The following TMEM135 variants were observed in gnomAD, a reference collection of about 807,000 sequenced individuals.
TMEM135 encodes transmembrane protein 135.
Under a neutral mutation model 60.3 loss-of-function variants are expected in TMEM135, and 30 were observed. That is an observed-to-expected ratio of 0.50 (90% CI 0.37 to 0.68). The LOEUF is 0.68. Among genes scored for constraint, TMEM135 ranks in the 30% least tolerant of loss-of-function variants. The pLI, the probability that TMEM135 is intolerant of heterozygous loss-of-function variation, is 0.00. For missense variants in TMEM135, 468 were observed against 548.8 expected (o/e 0.85, Z 1.47); for synonymous variants, 190 against 186.7 (o/e 1.02, Z -0.14).
intron 4 of TMEM135, among the ~76,000 whole-genome samples, chr11:87,140,820 G>T (rs375101576): frequency 4.6e-5 from 7 of 152,076 alleles, no homozygotes; most frequent in Non-Finnish European, 8.8e-5. Context: ...AGTGAGTTAC[G>T]GGTTGAGGTT....
intron 6 of TMEM135, among the ~76,000 whole-genome samples, chr11:87,240,267 C>G (rs645709): frequency 6.6e-6 from 1 of 151,420 alleles, no homozygotes; most frequent in African/African-American, 2.4e-5. Context: ...TCTTAGTGGG[C>G]ATTCTTCATA....
At chr11:87,185,281 A>G (rs1486290606) in intron 5 of TMEM135, among the ~76,000 whole-genome samples, 2 of 152,168 alleles carry the variant, frequency 1.3e-5, no homozygotes, top group African/African-American at 4.8e-5. Context: ...ATCAGAATCC[A>G]GATAAGATCT....
chr11:87,311,126 T>C (rs1299551827), intron 10 of TMEM135, among the ~76,000 whole-genome samples: 1 of 151,210 alleles, frequency 6.6e-6, no homozygotes, highest in Non-Finnish European at 1.5e-5. Flanking sequence ...TATATATACG[T>C]ACACATATAC....
At chr11:87,210,707 T>G (rs1007402831) in intron 5 of TMEM135, among the ~76,000 whole-genome samples, 3 of 152,042 alleles carry the variant, frequency 2.0e-5, no homozygotes, top group Admixed American at 6.6e-5. Context: ...AAAGGAAAAC[T>G]TAAGGCCAAT....
rs578126855 is a variant in TMEM135, at chr11:87,073,043, AT to A, written c.362+1431del. Among the ~76,000 whole-genome samples the A allele has an allele frequency of 3.8e-3, 577 of 151,976 alleles. 2 individuals carry two copies. The highest frequency in any genetic ancestry group is 0.01 in the Middle Eastern group (3 of 294). On this transcript the variant is annotated intron_variant, in intron 3 of 14. Coordinates refer to ENST00000305494, the MANE Select transcript of TMEM135 (RefSeq NM_022918.4). ...GGAAGCCACTCTTACTTATTTATTTATTTATTTTTTTGAGGTGGAGTCTCAC... is the reference window on the plus strand; with the variant it reads ...GGAAGCCACTCTTACTTATTTATTTATTATTTTTTTGAGGTGGAGTCTCAC...
chr11:87,177,510 A>AT (rs1939407001), intron 5 of TMEM135, among the ~76,000 whole-genome samples: 1 of 152,192 alleles, frequency 6.6e-6, no homozygotes, highest in South Asian at 2.1e-4. Context: ...CATAAGTTAT[A>AT]CTCACTGAAA....
intron 1 of TMEM135, among the ~76,000 whole-genome samples, chr11:87,058,120 A>G (rs888297932): frequency 1.3e-5 from 2 of 152,190 alleles, no homozygotes; most frequent in Non-Finnish European, 2.9e-5. Flanking sequence ...AACTGAGAGG[A>G]TGAAGCCTAC....
chr11:87,324,854 TC>T lies in TMEM135; in HGVS notation c.*3523del, dbSNP rs1335169790. On this transcript the variant is annotated 3_prime_UTR_variant, in exon 15 of 15. Coordinates refer to ENST00000305494, the MANE Select transcript of TMEM135 (RefSeq NM_022918.4). ...TATAAACATTCTCTCTCCTAACACC[TC>T]CTTCTAGTAATCATTTTCACATAGT... The T allele has an allele frequency of 2.2e-6, 1 of 453,848 alleles. No individual in the cohort carries two copies. Among genetic ancestry groups the T allele is most frequent in the Non-Finnish European group, 4.4e-6 (1 of 226,722 alleles). 28.1% of individuals were successfully genotyped at this position (453,848 alleles called of 1,614,324 possible).
intron 7 of TMEM135, among the ~76,000 whole-genome samples, chr11:87,299,699 G>A (rs780123345): frequency 5.9e-5 from 9 of 152,206 alleles, no homozygotes; most frequent in Non-Finnish European, 1.2e-4. Context: ...GTCTAGTGGG[G>A]AAGACAGCAT....
chr11:87,178,170 T>C (rs1939425899), intron 5 of TMEM135, among the ~76,000 whole-genome samples: 3 of 152,092 alleles, frequency 2.0e-5, no homozygotes, highest in African/African-American at 4.8e-5. Flanking sequence ...GGCCTAGAGT[T>C]CCAACCCTCT....
rs147892243 is a variant in TMEM135 at position 87,252,788 on chromosome 11, TAA to T, written c.509+16107_509+16108del. On this transcript the variant is annotated intron_variant, in intron 6 of 14. Transcript: ENST00000305494. The stretch of plus-strand genomic sequence containing the variant: ...CTAAATCTCAAAAAAAAAAAAAAAT[TAA>T]AATATATATGTGTGTGTGTGTGTGT... Among the ~76,000 whole-genome samples the T allele has an allele frequency of 4.3e-4, 49 of 114,982 alleles. No homozygotes were observed. In the East Asian group the frequency reaches 9.0e-3, roughly 21 times the overall value. 75.4% of individuals were successfully genotyped at this position (114,982 alleles called of 152,430 possible).
At chr11:87,068,934 C>G (rs534898597) in intron 2 of TMEM135, among the ~76,000 whole-genome samples, 2 of 151,772 alleles carry the variant, frequency 1.3e-5, no homozygotes, top group South Asian at 4.2e-4. Flanking sequence ...GGCTTTTATA[C>G]TATTGAACAA....
intron 1 of TMEM135, among the ~76,000 whole-genome samples, chr11:87,055,239 A>G (rs139557681): frequency 3.1e-4 from 47 of 152,340 alleles, no homozygotes; most frequent in African/African-American, 1.1e-3. Flanking sequence ...TTATGGCACA[A>G]AAAACAAATT....
chr11:87,141,449 T>A (rs1591050856), intron 4 of TMEM135, among the ~76,000 whole-genome samples: 1 of 152,194 alleles, frequency 6.6e-6, no homozygotes, highest in African/African-American at 2.4e-5. Flanking sequence ...ATGAGTTTGC[T>A]AAACTTATGA....
chr11:87,088,510 A>G (rs1438376967), intron 3 of TMEM135, among the ~76,000 whole-genome samples: 5 of 152,240 alleles, frequency 3.3e-5, no homozygotes, highest in Non-Finnish European at 7.3e-5. Context: ...AAAACTGTAG[A>G]TAGCTCAAGA....
intron 5 of TMEM135, among the ~76,000 whole-genome samples, chr11:87,207,111 A>G (rs1353666838): frequency 6.6e-6 from 1 of 152,188 alleles, no homozygotes; most frequent in Non-Finnish European, 1.5e-5. Flanking sequence ...TTAGTACAGA[A>G]CAGAATGCTA....
intron 6 of TMEM135, among the ~76,000 whole-genome samples, chr11:87,255,407 A>G (rs372563338): frequency 2.0e-5 from 3 of 152,178 alleles, no homozygotes; most frequent in Non-Finnish European, 4.4e-5. Context: ...AAGGTATCCA[A>G]TTTTTCTTCA....
At chr11:87,144,231 A>G (rs748804493) in intron 4 of TMEM135, among the ~76,000 whole-genome samples, 1 of 152,238 alleles carries the variant, frequency 6.6e-6, no homozygotes, top group Non-Finnish European at 1.5e-5. Flanking sequence ...AATATTTACA[A>G]TGAATTATCC....
At chr11:87,067,939 T>G in intron 2 of TMEM135, 118 bp downstream of exon 2, 1 of 1,265,166 alleles carries the variant, frequency 7.9e-7, no homozygotes, top group Non-Finnish European at 1.1e-6. Context: ...TTTTTTAATC[T>G]GTGAAGTGAC....
Sources: allele counts gnomAD v4.1 joint callset (sites outside exome capture counted in the v4.1 genomes callset), GRCh38; gene constraint gnomAD v4.1.1; transcripts MANE v1.5; gene names NCBI Gene and HGNC (gene_info 2026-07-23, HGNC 2026-07-21).